Variants in RRP9 observed in about 807,000 individuals in gnomAD.
RRP9 encodes the protein U3 small nucleolar RNA-interacting protein 2.
Under a neutral mutation model 65.5 loss-of-function variants are expected in RRP9, and 35 were observed. That is an observed-to-expected ratio of 0.53 (90% CI 0.41 to 0.71). The LOEUF (loss-of-function observed/expected upper bound fraction) is 0.71. Ranked by LOEUF, RRP9 falls within the 30% of genes least tolerant of loss-of-function variation. The pLI is 0.00. For missense variants in RRP9, 533 were observed against 633.6 expected, an observed-to-expected ratio of 0.84 and a Z score of 1.70; for synonymous variants, 254 against 245.0, an observed-to-expected ratio of 1.04 and a Z score of -0.34.
rs41292344 is a variant in RRP9, at chr3:51,935,915, G to A, written c.736-223C>T. Among the ~76,000 whole-genome samples, 595 of 152,252 alleles carry A rather than the reference G, an allele frequency of 3.9e-3. 5 individuals carry two copies. Among genetic ancestry groups the A allele is most frequent in the Non-Finnish European group, 6.3e-3 (427 of 68,014 alleles). On this transcript the variant is annotated intron_variant, in intron 8 of 14. Transcript: ENST00000232888. ...CTCATTCTGTTGCTCAGGCTGGAGT[G>A]CAGTGGTGCGATCATAGCTCACTGC...
At chr3:51,939,406 C>T (rs1457896600) in intron 2 of RRP9, among the ~76,000 whole-genome samples, 3 of 152,166 alleles carry the variant, frequency 2.0e-5, no homozygotes, top group Non-Finnish European at 4.4e-5. Flanking sequence ...TGAGACAGAA[C>T]GCTAAAGAAA....
chr3:51,936,192 G>T, intron 8 of RRP9, 65 bp downstream of exon 8: 1 of 1,466,552 alleles, frequency 6.8e-7, no homozygotes, highest in Non-Finnish European at 9.6e-7. Flanking sequence ...CCAGAGGCCA[G>T]CACTGAGCCT....
rs766508897 is a variant in RRP9, at chr3:51,935,484, GC to G, written c.837-9del. 3 of 1,613,926 alleles carry G rather than the reference GC, an allele frequency of 1.9e-6. No homozygotes were observed. The South Asian group carries it at 3.3e-5, about 18-fold the overall frequency. ...GCGTCCTGGTGTCCGAAGCTAGAGG[GC>G]CGGGCAGAGCAGGATAGTGGGGATA... On this transcript the variant is annotated splice_polypyrimidine_tract_variant and intron_variant, in intron 9 of 14. Transcript: ENST00000232888.
chr3:51,939,826 C>G (rs891085424), intron 2 of RRP9, among the ~76,000 whole-genome samples: 13 of 152,204 alleles, frequency 8.5e-5, no homozygotes, highest in African/African-American at 3.1e-4. Flanking sequence ...TACCATTACT[C>G]TCTGTAGTGC....
At chr3:51,936,617 C>A (rs1699462773) in intron 6 of RRP9, 62 bp from the exon 7 acceptor site, 1 of 1,543,620 alleles carries the variant, frequency 6.5e-7, no homozygotes, top group Non-Finnish European at 8.9e-7. Flanking sequence ...TGGCAACCCC[C>A]CTCAAGGGGC....
In RRP9 at chr3:51,933,503, G is replaced by A. The variant is rs774346642; in HGVS notation, c.*3C>T. ...AAGGACTTAAATAAGGAGGATAAGA[G>A]TGTCAGGAACCAGCAGCTGGGGGTA... On this transcript the variant is annotated 3_prime_UTR_variant, in exon 15 of 15. Transcript: ENST00000232888. The A allele has an allele frequency of 1.3e-5, 21 of 1,611,740 alleles. No individual in the cohort carries two copies. In the Admixed American group the frequency reaches 3.5e-4, roughly 27 times the overall value.
chr3:51,938,081 G>T lies in RRP9; in HGVS notation c.280+14C>A. 1 of 1,585,530 alleles carries T rather than the reference G, an allele frequency of 6.3e-7. No homozygotes were observed. On this transcript the variant is annotated intron_variant, in intron 3 of 14. Transcript: ENST00000232888. ...CAGAAGCCCTGCCCATGGCTGGCCT[G>T]CCCACTGGCTCACCTTGCTGACGGA...
In RRP9 at chr3:51,935,249, C is replaced by T. The variant is rs374259830; in HGVS notation, c.982G>A (p.Asp328Asn). ...LVFYGHQGSI[D>N]CIHLINEEHM... ...TCCTCATTGATTAGGTGGATGCAGTCGATGGAGCCCCTGGAGAAAGGGGCT... is the reference window on the plus strand; with the variant it reads ...TCCTCATTGATTAGGTGGATGCAGTTGATGGAGCCCCTGGAGAAAGGGGCT... The change falls in exon 11 of 15, where the codon GAC becomes AAC. Residue 328 changes from aspartate (D) to asparagine (N), a missense_variant. Physicochemically the swap from Asp to Asn is conservative, Grantham distance 23. Transcript: ENST00000232888. The T allele has an allele frequency of 1.2e-6, 2 of 1,614,168 alleles. No homozygotes were observed. Among genetic ancestry groups the T allele is most frequent in the Non-Finnish European group, 1.7e-6 (2 of 1,180,030 alleles).
At chr3:51,940,344 T>C (rs1559744851) in intron 2 of RRP9, among the ~76,000 whole-genome samples, 1 of 152,004 alleles carries the variant, frequency 6.6e-6, no homozygotes, top group Non-Finnish European at 1.5e-5. Flanking sequence ...AGTCAACTCA[T>C]AGGGAAGGCA....
At position 51,935,414 on chromosome 3, in the gene RRP9, G is replaced by A; in HGVS notation, c.899C>T (p.Ala300Val). ...DALSRECCVT[A>V]GGRDGTVRVW... ...ACGTACAGTCCCATCCCGGCCCCCA[G>A]CCGTCACACAGCACTCCCGGCTCAA... The change falls in exon 10 of 15, where the codon GCT (alanine) becomes GTT (valine). Residue 300 changes from alanine (A) to valine (V), a missense_variant. Around this residue, in one of 3 missense-constraint regions of RRP9, gnomAD observed 449 missense variants for 550.6 expected, o/e 0.82. Coordinates refer to ENST00000232888, the MANE Select transcript of RRP9 (RefSeq NM_004704.5). 1 of 1,614,188 alleles carries A rather than the reference G, an allele frequency of 6.2e-7. No homozygotes were observed. The highest frequency in any genetic ancestry group is 8.5e-7 in the Non-Finnish European group (1 of 1,180,034).
In RRP9 at chr3:51,937,127, A is replaced by T; in HGVS notation, c.517+65T>A. 1 of 1,591,660 alleles carries T rather than the reference A, an allele frequency of 6.3e-7. No homozygotes were observed. Among genetic ancestry groups the T allele is most frequent in the East Asian group, 2.2e-5 (1 of 44,504 alleles). On this transcript the variant is annotated intron_variant, in intron 6 of 14. Transcript: ENST00000232888. This position sits in a 1 kb window ranked among gnomAD's most constrained non-coding sequence, Gnocchi z 5.0. ...GGCTCAGCCTGCCATGACCACTCCC[A>T]CTCCCCTGACCAGCCCTCCCGGATC...
intron 2 of RRP9, among the ~76,000 whole-genome samples, chr3:51,938,639 A>G (rs1018265144): frequency 2.0e-5 from 3 of 152,136 alleles, no homozygotes; most frequent in Non-Finnish European, 4.4e-5. Flanking sequence ...TCAAACAATC[A>G]ACGACGACAC....
chr3:51,934,542 C>A lies in RRP9; in HGVS notation c.1190G>T (p.Ser397Ile). ...ACACTGCCAAAGCCGCACACAGGAG[C>A]TGTGGGAGCCTGGGGAGACTGGAAC... is the stretch of plus-strand genomic sequence containing the variant. ...NTDLVATGSH[S>I]SCVRLWQCGE... Residue 397 changes from serine to isoleucine, a missense_variant, in exon 13 of 15, where the codon AGC (serine) becomes ATC (isoleucine). Physicochemically the swap from Ser to Ile is moderately radical, Grantham distance 142. Coordinates refer to ENST00000232888, the MANE Select transcript of RRP9 (RefSeq NM_004704.5). This position sits in a 1 kb window ranked among gnomAD's most constrained non-coding sequence, Gnocchi z 4.1. The A allele has an allele frequency of 6.2e-7, 1 of 1,614,092 alleles. No individual in the cohort carries two copies. Among genetic ancestry groups the A allele is most frequent in the Non-Finnish European group, 8.5e-7 (1 of 1,179,944 alleles).
At chr3:51,933,956 C>T (rs894311711) in intron 13 of RRP9, among the ~76,000 whole-genome samples, 175 bp from the exon 14 acceptor site, 14 of 152,176 alleles carry the variant, frequency 9.2e-5, no homozygotes, top group African/African-American at 1.4e-4. Flanking sequence ...TCCACATCTG[C>T]GAGATGGGGG....
chr3:51,935,323 G>T lies in RRP9; in HGVS notation c.971+19C>A, dbSNP rs1559743146. The T allele has an allele frequency of 6.2e-7, 1 of 1,614,162 alleles. No homozygotes were observed. ...CCCCCAGCCCATGTAGCCCCCACTGGCATGGCAGGCCACCTTACTGGTGGC... is the reference window on the plus strand; with the variant it reads ...CCCCCAGCCCATGTAGCCCCCACTGTCATGGCAGGCCACCTTACTGGTGGC... On this transcript the variant is annotated intron_variant, in intron 10 of 14. Coordinates refer to ENST00000232888, the MANE Select transcript of RRP9 (RefSeq NM_004704.5).
chr3:51,938,045 A>G (rs753467220), intron 3 of RRP9, 50 bp downstream of exon 3: 1 of 1,435,042 alleles, frequency 7.0e-7, no homozygotes, highest in East Asian at 2.3e-5. Flanking sequence ...CGGGCAGCAG[A>G]CCAGCACAGG....
At chr3:51,933,945 C>G (rs1384211421) in intron 13 of RRP9, among the ~76,000 whole-genome samples, 164 bp from the exon 14 acceptor site, 3 of 152,196 alleles carry the variant, frequency 2.0e-5, no homozygotes, top group African/African-American at 7.2e-5. Context: ...GGGCCTCAGC[C>G]TCCACATCTG....
At chr3:51,941,642 C>T (rs901808355) in intron 1 of RRP9, 139 bp downstream of exon 1, 1 of 1,088,242 alleles carries the variant, frequency 9.2e-7, no homozygotes, top group Non-Finnish European at 1.4e-6. Flanking sequence ...ATTTGGCCCG[C>T]GGAGAGAGGG....
rs776825150 is a variant in RRP9, at chr3:51,937,668, C to T, written c.348+1G>A. 4 of 1,614,230 alleles carry T rather than the reference C, an allele frequency of 2.5e-6. No homozygotes were observed. The highest frequency in any genetic ancestry group is 3.4e-6 in the Non-Finnish European group (4 of 1,180,038). On this transcript the variant is annotated splice_donor_variant, in intron 4 of 14. Coordinates refer to ENST00000232888, the MANE Select transcript of RRP9 (RefSeq NM_004704.5). LOFTEE classifies it high-confidence loss of function. The surrounding 1 kb of genome is among the most constrained non-coding windows in gnomAD (Gnocchi z 5.0). ...TCCCCCAACTCTCCCTCCACACTTA[C>T]CACATCCTCCTTCAGGCGCCCCGCC... is the stretch of plus-strand genomic sequence containing the variant.
Sources: allele counts gnomAD v4.1 joint callset (sites outside exome capture counted in the v4.1 genomes callset), GRCh38; gene constraint gnomAD v4.1.1; regional missense constraint gnomAD v4.1.1; non-coding constraint Gnocchi (gnomAD v3.1); transcripts MANE v1.5; gene names NCBI Gene and HGNC (gene_info 2026-07-23, HGNC 2026-07-21).